The following RPE65 variants were observed in gnomAD, a reference collection of about 807,000 sequenced individuals.
RPE65 encodes the protein retinoid isomerohydrolase.
A neutral mutation model predicts 68.5 loss-of-function variants in RPE65; 58 were observed. The ratio of observed to expected loss-of-function variants is 0.85; its 90% CI spans 0.69 to 1.05. RPE65 has a LOEUF of 1.05. Among genes scored for constraint, RPE65 ranks in the 50% least tolerant of loss-of-function variants. The pLI is 0.00. For missense variants in RPE65, 643 were observed against 629.9 expected, an observed-to-expected ratio of 1.02 and a Z score of -0.22; for synonymous variants, 220 against 222.2, an observed-to-expected ratio of 0.99 and a Z score of 0.09.
chr1:68,438,742 C>T (rs537434641), intron 9 of RPE65, among the ~76,000 whole-genome samples, 200 bp downstream of exon 9: 1 of 152,136 alleles, frequency 6.6e-6, no homozygotes, highest in Admixed American at 6.6e-5. Context: ...TTCATGGACC[C>T]GATTAGTTTT....
Position 68,429,569 on chromosome 1 carries a change from G to A in RPE65, c.*207C>T. Reference sequence around the variant, plus strand: ...AGTTATGGCCTGTCTCACAGAGGAAGTATGATTATCTAAATACGTACTTTT... The same window carrying A: ...AGTTATGGCCTGTCTCACAGAGGAAATATGATTATCTAAATACGTACTTTT... On this transcript the variant is annotated 3_prime_UTR_variant, in exon 14 of 14. Coordinates refer to ENST00000262340, the MANE Select transcript of RPE65 (RefSeq NM_000329.3). 1 of 588,864 alleles carries A rather than the reference G, an allele frequency of 1.7e-6. No homozygotes were observed. The highest frequency in any genetic ancestry group is 3.0e-6 in the Non-Finnish European group (1 of 334,700). The allele number at this position is 588,864 out of a possible 1,614,324, so 36.5% of individuals were successfully genotyped here.
chr1:68,434,091 GAT>G (rs56401732), intron 10 of RPE65, among the ~76,000 whole-genome samples: 28,183 of 137,894 alleles, frequency 0.2, 3,238 homozygotes, highest in East Asian at 0.37. Context: ...GGGCATGAGG[GAT>G]ATATATATAT....
Position 68,429,063 on chromosome 1 carries a change from T to C in RPE65, c.*713A>G, listed in dbSNP as rs894076019. ...GCATTTTATGCTGTTTTTTTAAATA[T>C]AGTCACTACTATATGTACTTGCTTT... is the stretch of plus-strand genomic sequence containing the variant. On this transcript the variant is annotated 3_prime_UTR_variant, in exon 14 of 14. Coordinates refer to ENST00000262340, the MANE Select transcript of RPE65 (RefSeq NM_000329.3). The C allele has an allele frequency of 5.3e-5, 8 of 152,172 alleles. No homozygotes were observed. Among genetic ancestry groups the C allele is most frequent in the Non-Finnish European group, 1.0e-4 (7 of 67,982 alleles). The allele number at this position is 152,172 out of a possible 1,614,324, so 9.4% of individuals were successfully genotyped here.
chr1:68,439,144 A>G (rs1186674232), intron 8 of RPE65, 47 bp downstream of exon 8: 1 of 1,613,876 alleles, frequency 6.2e-7, no homozygotes, highest in Admixed American at 1.7e-5. Flanking sequence ...ATTATTAAAC[A>G]CATCTTCTTC....
chr1:68,438,120 G>T (rs1473125711), intron 10 of RPE65, 67 bp downstream of exon 10: 18 of 1,592,678 alleles, frequency 1.1e-5, no homozygotes, highest in Non-Finnish European at 1.5e-5. Context: ...ACATGAGGCA[G>T]GAGGACAATT....
At chr1:68,434,000 G>A (rs2100811257) in intron 10 of RPE65, among the ~76,000 whole-genome samples, 1 of 151,786 alleles carries the variant, frequency 6.6e-6, no homozygotes, top group South Asian at 2.1e-4. Flanking sequence ...GGCAAGTGAT[G>A]TTGAAAGATA....
In RPE65 at chr1:68,439,085, G is replaced by C. The variant is rs1571165470; in HGVS notation, c.859-4C>G. 6.2e-7 allele frequency: 1 copy of C among 1,613,862 alleles called. No individual in the cohort carries two copies. The highest frequency in any genetic ancestry group is 8.5e-7 in the Non-Finnish European group (1 of 1,179,976). The stretch of plus-strand genomic sequence containing the variant: ...TGTCAGCAATATGAAGCCAAACCTT[G>C]AAAAATGAGGAAAATATTTTGATGC... On this transcript the variant is annotated splice_region_variant and splice_polypyrimidine_tract_variant and intron_variant, in intron 8 of 13. Coordinates refer to ENST00000262340, the MANE Select transcript of RPE65 (RefSeq NM_000329.3).
chr1:68,438,757 C>A (rs981176467), intron 9 of RPE65, among the ~76,000 whole-genome samples, 185 bp downstream of exon 9: 1 of 152,170 alleles, frequency 6.6e-6, no homozygotes, highest in African/African-American at 2.4e-5. Flanking sequence ...AGTTTTCAAT[C>A]ATTAATCATA....
chr1:68,444,060 T>C (rs1645923023), intron 5 of RPE65, among the ~76,000 whole-genome samples: 1 of 152,212 alleles, frequency 6.6e-6, no homozygotes, highest in Non-Finnish European at 1.5e-5. Context: ...AGGTTCATGC[T>C]AGCTTATAAA....
At chr1:68,447,763 T>C (rs887527656) in intron 2 of RPE65, among the ~76,000 whole-genome samples, 10 of 152,052 alleles carry the variant, frequency 6.6e-5, no homozygotes, top group African/African-American at 2.4e-4. Flanking sequence ...GGCAGGAGAA[T>C]GGCATAAACC....
chr1:68,444,528 C>T lies in RPE65; in HGVS notation c.495+3G>A, dbSNP rs1405497890. On this transcript the variant is annotated splice_donor_region_variant and intron_variant, in intron 5 of 13. Coordinates refer to ENST00000262340, the MANE Select transcript of RPE65 (RefSeq NM_000329.3). ...CTGAACATCACCTAGCACTGTGTCC[C>T]ACCTGCTTAATTGTCTCCAAGGTCT... 1.2e-6 allele frequency: 2 copies of T among 1,614,042 alleles called. No individual in the cohort carries two copies. Among genetic ancestry groups the T allele is most frequent in the Non-Finnish European group, 1.7e-6 (2 of 1,179,978 alleles).
chr1:68,431,250 C>T, intron 12 of RPE65, 32 bp downstream of exon 12: 2 of 1,610,056 alleles, frequency 1.2e-6, no homozygotes, highest in Non-Finnish European at 1.7e-6. Context: ...ACTCAAAGCA[C>T]TGTTCAAATA....
intron 9 of RPE65, 82 bp downstream of exon 9, chr1:68,438,860 A>T: frequency 6.5e-7 from 1 of 1,542,798 alleles, no homozygotes; most frequent in African/African-American, 1.4e-5. Context: ...TGTGATTCAG[A>T]TTGAGTGCAG....
intron 10 of RPE65, among the ~76,000 whole-genome samples, chr1:68,436,944 T>C (rs925974221): frequency 3.3e-5 from 5 of 152,152 alleles, no homozygotes; most frequent in Admixed American, 2.6e-4. Flanking sequence ...CTTTGCATCT[T>C]CATCTCTCAG....
At chr1:68,447,469 C>T (rs770837860) in intron 2 of RPE65, among the ~76,000 whole-genome samples, 2 of 152,204 alleles carry the variant, frequency 1.3e-5, no homozygotes, top group Non-Finnish European at 2.9e-5. Context: ...GATCAGCTCA[C>T]ATGTCATCTC....
In RPE65 at chr1:68,435,749, T is replaced by A. The variant is rs3790469; in HGVS notation, c.1128+2438A>T. Among the ~76,000 whole-genome samples, 180 of 152,176 alleles carry A rather than the reference T, an allele frequency of 1.2e-3. 5 individuals are homozygous for A. In the East Asian group the frequency reaches 0.034, roughly 29 times the overall value. The stretch of plus-strand genomic sequence containing the variant: ...TGCAAATAACTATGTTCCATTAATC[T>A]CCCCTACATTATCATCTGACTAGCT... On this transcript the variant is annotated intron_variant, in intron 10 of 13. Transcript: ENST00000262340.
rs1645801101 is a variant in RPE65 at position 68,428,984 on chromosome 1, A to G, written c.*792T>C. 6.6e-6 allele frequency: 1 copy of G among 152,186 alleles called. No homozygotes were observed. The highest frequency in any genetic ancestry group is 2.4e-5 in the African/African-American group (1 of 41,472). 9.4% of individuals were successfully genotyped at this position (152,186 alleles called of 1,614,324 possible). A position where few individuals can be genotyped will look rare whatever the true frequency, so the allele number is the denominator to read the frequency against. ...TTAAACAAAAAAGATGCAATAAAGT[A>G]TAATCCTGCAACATTATCCCATAAT... On this transcript the variant is annotated 3_prime_UTR_variant, in exon 14 of 14. Coordinates refer to ENST00000262340, the MANE Select transcript of RPE65 (RefSeq NM_000329.3).
chr1:68,449,164 C>G (rs2100835231), intron 1 of RPE65, among the ~76,000 whole-genome samples: 1 of 152,194 alleles, frequency 6.6e-6, no homozygotes, highest in Non-Finnish European at 1.5e-5. Context: ...ATTTTCTTGC[C>G]TCAAGGAGAG....
chr1:68,444,965 T>A, intron 3 of RPE65, 82 bp from the exon 4 acceptor site: 5 of 1,095,540 alleles, frequency 4.6e-6, no homozygotes, highest in East Asian at 4.7e-5. Flanking sequence ...GGCCATTCTA[T>A]GTGTCCTCAT....
Sources: allele counts gnomAD v4.1 joint callset (sites outside exome capture counted in the v4.1 genomes callset), GRCh38; gene constraint gnomAD v4.1.1; transcripts MANE v1.5; gene names NCBI Gene and HGNC (gene_info 2026-07-23, HGNC 2026-07-21).